MMP16: variants seen among roughly 807,000 people sequenced by gnomAD.
MMP16 encodes matrix metallopeptidase 16, also known as matrix metalloproteinase-16.
In MMP16, 12 loss-of-function variants were observed where a neutral mutation model predicts 67.8. The ratio of observed to expected loss-of-function variants is 0.18; its 90% CI spans 0.11 to 0.29. MMP16 has a LOEUF of 0.29. Ranked by LOEUF, MMP16 falls within the 10% of genes least tolerant of loss-of-function variation. The probability of loss-of-function intolerance (pLI) is 1.00; values close to 1 mark genes in which losing one functional copy is unlikely to be tolerated. For missense variants in MMP16, 475 were observed against 765.7 expected, an observed-to-expected ratio of 0.62 and a Z score of 4.48; for synonymous variants, 249 against 255.9, an observed-to-expected ratio of 0.97 and a Z score of 0.26.
chr8:88,315,080 T>C (rs1811356536), intron 1 of MMP16, among the ~76,000 whole-genome samples: 1 of 152,228 alleles, frequency 6.6e-6, no homozygotes, highest in African/African-American at 2.4e-5. Flanking sequence ...GACTTGAATA[T>C]CACTGTTCAA....
intron 1 of MMP16, among the ~76,000 whole-genome samples, chr8:88,290,718 C>A (rs1458408497): frequency 6.6e-6 from 1 of 152,124 alleles, no homozygotes; most frequent in Non-Finnish European, 1.5e-5. Flanking sequence ...GGTGGGACTA[C>A]AGGAACGCAC....
In MMP16 at chr8:88,262,684, T is replaced by C. The variant is rs184054657; in HGVS notation, c.132+64391A>G. On this transcript the variant is annotated intron_variant, in intron 1 of 9. Coordinates refer to ENST00000286614, the MANE Select transcript of MMP16 (RefSeq NM_005941.5). ...CTTTTAAAACCTTCTTTTCAAGTAA[T>C]TGGCAATTTTGGAGTAAGTTAAAGT... Among the ~76,000 whole-genome samples the C allele has an allele frequency of 6.6e-5, 10 of 151,928 alleles. No homozygotes were observed. In the East Asian group the frequency reaches 1.5e-3, roughly 24 times the overall value.
At chr8:88,138,180 T>C (rs539613780) in intron 4 of MMP16, among the ~76,000 whole-genome samples, 1 of 152,098 alleles carries the variant, frequency 6.6e-6, no homozygotes, top group African/African-American at 2.4e-5. Context: ...GGGGAGAAGC[T>C]GGATAATATT....
chr8:88,145,654 C>T (rs986408589), intron 4 of MMP16, among the ~76,000 whole-genome samples: 2 of 151,834 alleles, frequency 1.3e-5, no homozygotes, highest in African/African-American at 4.8e-5. Flanking sequence ...TTAGTAGATT[C>T]CAATGGGCCC....
intron 7 of MMP16, among the ~76,000 whole-genome samples, chr8:88,060,689 A>T (rs889818085): frequency 6.6e-6 from 1 of 152,052 alleles, no homozygotes; most frequent in African/African-American, 2.4e-5. Flanking sequence ...TACTTAGTAC[A>T]TTGTACCTTG....
chr8:88,305,102 T>C (rs1431577611), intron 1 of MMP16, among the ~76,000 whole-genome samples: 15 of 151,694 alleles, frequency 9.9e-5, no homozygotes, highest in Non-Finnish European at 4.4e-5. Flanking sequence ...TGAAGGAAAA[T>C]TTACCAAACA....
chr8:88,293,444 A>G (rs1810957118), intron 1 of MMP16, among the ~76,000 whole-genome samples: 2 of 152,178 alleles, frequency 1.3e-5, no homozygotes, highest in Admixed American at 1.3e-4. Context: ...TATCTGTTAG[A>G]GTAACAAAAT....
chr8:88,296,999 T>C (rs1208407883), intron 1 of MMP16, among the ~76,000 whole-genome samples: 1 of 152,104 alleles, frequency 6.6e-6, no homozygotes, highest in East Asian at 1.9e-4. Context: ...AAAGTTATGA[T>C]TTTAAATTAA....
chr8:88,225,055 C>T (rs989929109), intron 1 of MMP16, among the ~76,000 whole-genome samples: 3 of 151,898 alleles, frequency 2.0e-5, no homozygotes, highest in Admixed American at 6.6e-5. Flanking sequence ...TGAACAAGCA[C>T]CACCTGTTTA....
At chr8:88,149,494 C>T (rs967197648) in intron 4 of MMP16, among the ~76,000 whole-genome samples, 92 of 152,176 alleles carry the variant, frequency 6.0e-4, no homozygotes, top group Non-Finnish European at 1.1e-3. Flanking sequence ...GTGGTTCTCC[C>T]AGCACGCGGC....
intron 1 of MMP16, among the ~76,000 whole-genome samples, chr8:88,197,928 T>C (rs1223707547): frequency 6.6e-6 from 1 of 152,194 alleles, no homozygotes; most frequent in African/African-American, 2.4e-5. Context: ...CACTTTAATC[T>C]AAATCACACA....
intron 1 of MMP16, among the ~76,000 whole-genome samples, chr8:88,277,053 T>G (rs1196863776): frequency 1.3e-5 from 2 of 152,172 alleles, no homozygotes; most frequent in African/African-American, 2.4e-5. Context: ...TAGAAAATCT[T>G]AATAACACTA....
intron 1 of MMP16, among the ~76,000 whole-genome samples, chr8:88,246,321 T>C (rs563870950): frequency 6.6e-6 from 1 of 152,252 alleles, no homozygotes; most frequent in Admixed American, 6.5e-5. Context: ...ATACACGAAA[T>C]AATTTGGTCA....
In MMP16 at chr8:88,169,934, G is replaced by C. The variant is rs79940309; in HGVS notation, c.405-1961C>G. On this transcript the variant is annotated intron_variant, in intron 3 of 9. Coordinates refer to ENST00000286614, the MANE Select transcript of MMP16 (RefSeq NM_005941.5). The stretch of plus-strand genomic sequence containing the variant: ...ACATTTGACTTATGATTTAATAAAT[G>C]TCTTGAGACATTATGTTGAAAATAT... Among the ~76,000 whole-genome samples the C allele has an allele frequency of 3.8e-3, 577 of 152,284 alleles. 6 individuals are homozygous for C. The highest frequency in any genetic ancestry group is 0.012 in the African/African-American group (506 of 41,564).
chr8:88,118,992 G>A (rs1315806511), intron 4 of MMP16, 131 bp from the exon 5 acceptor site: 14 of 860,932 alleles, frequency 1.6e-5, no homozygotes, highest in Non-Finnish European at 2.3e-5. Context: ...TATTTGTATG[G>A]TTTCATCACT....
chr8:88,054,687 A>T (rs1808310012), intron 8 of MMP16, among the ~76,000 whole-genome samples: 1 of 152,236 alleles, frequency 6.6e-6, no homozygotes, highest in Admixed American at 6.5e-5. Context: ...ATATACAGTT[A>T]GTAAAAGGAT....
intron 7 of MMP16, among the ~76,000 whole-genome samples, chr8:88,060,567 A>AAAT (rs1808385448): frequency 6.6e-6 from 1 of 152,118 alleles, no homozygotes; most frequent in African/African-American, 2.4e-5. Context: ...ATGGAAAACT[A>AAAT]GGATGACACT....
At position 88,250,998 on chromosome 8, in the gene MMP16, A is replaced by G. The variant is rs182853972; in HGVS notation, c.133-53692T>C. On this transcript the variant is annotated intron_variant, in intron 1 of 9. Transcript: ENST00000286614. ...TGTGTCCATGTGATCTCATTGTTCA[A>G]TTCCCACCTATGAGTGAGAATATGC... Among the ~76,000 whole-genome samples the G allele has an allele frequency of 3.6e-3, 541 of 148,450 alleles. 3 individuals are homozygous for G. The highest frequency in any genetic ancestry group is 4.0e-3 in the Admixed American group (58 of 14,596).
intron 1 of MMP16, among the ~76,000 whole-genome samples, chr8:88,202,355 A>T (rs994960604): frequency 3.1e-4 from 47 of 152,172 alleles, no homozygotes; most frequent in African/African-American, 1.1e-3. Flanking sequence ...TTTATGATAG[A>T]AGCCAATTAC....
Sources: gnomAD v4.1 joint callset for allele counts (sites outside exome capture counted in the v4.1 genomes callset) on GRCh38, gnomAD v4.1.1 for gene constraint, MANE v1.5 for transcripts, NCBI Gene and HGNC (gene_info 2026-07-23, HGNC 2026-07-21) for gene names.